LPP: variants seen among roughly 807,000 people sequenced by gnomAD.
LPP encodes the protein LIM domain containing preferred translocation partner in lipoma.
Under a neutral mutation model 60.4 loss-of-function variants are expected in LPP, and 38 were observed. The ratio of observed to expected loss-of-function variants is 0.63; its 90% CI spans 0.49 to 0.83. The LOEUF (loss-of-function observed/expected upper bound fraction) is 0.83. LPP is among the 40% of genes least tolerant of loss of function. The pLI, the probability that LPP is intolerant of heterozygous loss-of-function variation, is 0.00. For synonymous variants in LPP, 328 were observed against 290.8 expected (o/e 1.13, Z -1.30); for missense variants, 902 against 783.6 (o/e 1.15, Z -1.80).
chr3:188,178,865 A>C, intron 1 of LPP: 1 of 218,702 alleles, frequency 4.6e-6, no homozygotes. Context: ...TGATATATGG[A>C]AGAAGTTTCC....
chr3:188,570,170 G>A (rs1833202761), intron 6 of LPP, among the ~76,000 whole-genome samples: 1 of 151,974 alleles, frequency 6.6e-6, no homozygotes, highest in African/African-American at 2.4e-5. Context: ...AAAGTGACAG[G>A]CCTTGTGGCA....
Position 188,884,755 on chromosome 3 carries a change from C to T in LPP, c.*10276C>T, listed in dbSNP as rs1043702744. ...ATGTACGTTCCACAGAGGCAGAAAC[C>T]GCCGTAGGTTAGCAATGCATTTTAG... On this transcript the variant is annotated 3_prime_UTR_variant, in exon 12 of 12. Coordinates refer to ENST00000617246, the MANE Select transcript of LPP (RefSeq NM_001375462.1). The T allele has an allele frequency of 4.0e-5, 9 of 226,008 alleles. No individual in the cohort carries two copies. The highest frequency in any genetic ancestry group is 1.3e-4 in the African/African-American group (6 of 44,910). 14.0% of individuals were successfully genotyped at this position (226,008 alleles called of 1,614,324 possible). A position where few individuals can be genotyped will look rare whatever the true frequency, so the allele number is the denominator to read the frequency against.
At chr3:188,480,702 C>T (rs1468206177) in intron 4 of LPP, among the ~76,000 whole-genome samples, 1 of 152,082 alleles carries the variant, frequency 6.6e-6, no homozygotes, top group Admixed American at 6.5e-5. Flanking sequence ...TTGCAATTTC[C>T]CTGTAGGTCA....
intron 9 of LPP, among the ~76,000 whole-genome samples, chr3:188,771,767 G>C (rs967366965): frequency 6.6e-6 from 1 of 152,128 alleles, no homozygotes; most frequent in Non-Finnish European, 1.5e-5. Context: ...CTGCAAGAGA[G>C]AATTTTGCCT....
chr3:188,616,540 T>C (rs2151488097), intron 7 of LPP, among the ~76,000 whole-genome samples: 1 of 152,208 alleles, frequency 6.6e-6, no homozygotes, highest in East Asian at 1.9e-4. Context: ...GCTTTGTTCT[T>C]TTTGCTTGGG....
At chr3:188,851,652 AC>A (rs1226860713) in intron 9 of LPP, among the ~76,000 whole-genome samples, 1 of 152,256 alleles carries the variant, frequency 6.6e-6, no homozygotes, top group Non-Finnish European at 1.5e-5. Flanking sequence ...TATTTATTCA[AC>A]AAACAATCCC....
intron 6 of LPP, among the ~76,000 whole-genome samples, chr3:188,588,469 G>A (rs936606933): frequency 2.0e-5 from 3 of 151,992 alleles, no homozygotes; most frequent in South Asian, 4.1e-4. Context: ...GTCTTGATTC[G>A]TCTTCTTTAC....
chr3:188,883,712 G>A lies in LPP; in HGVS notation c.*9233G>A, dbSNP rs182705031. ...TGCGCCACTGCACTCCAGCCTGGGC[G>A]ACAGAACGAGACTCCGTCTCAAAAA... On this transcript the variant is annotated 3_prime_UTR_variant, in exon 12 of 12. Transcript: ENST00000617246. 684 of 129,542 alleles carry A rather than the reference G, an allele frequency of 5.3e-3. 6 individuals are homozygous for A. The highest frequency in any genetic ancestry group is 0.021 in the African/African-American group (647 of 30,118). 8.0% of individuals were successfully genotyped at this position (129,542 alleles called of 1,614,324 possible). A position where few individuals can be genotyped will look rare whatever the true frequency, so the allele number is the denominator to read the frequency against.
At chr3:188,371,971 T>C (rs1773396911) in intron 3 of LPP, among the ~76,000 whole-genome samples, 1 of 151,172 alleles carries the variant, frequency 6.6e-6, no homozygotes, top group African/African-American at 2.4e-5. Context: ...TGTGGGAATT[T>C]TATAAGGGCT....
chr3:188,156,057 C>A (rs1278708192), intron 1 of LPP, among the ~76,000 whole-genome samples: 2 of 152,066 alleles, frequency 1.3e-5, no homozygotes, highest in African/African-American at 2.4e-5. Context: ...GGAGAGTGTG[C>A]ATTTTTGCAT....
intron 4 of LPP, among the ~76,000 whole-genome samples, chr3:188,411,973 G>GTCTCTCTC (rs56025983): frequency 5.3e-5 from 8 of 149,746 alleles, no homozygotes; most frequent in African/African-American, 9.8e-5. Context: ...CTCTTTCTCT[G>GTCTCTCTC]TCTCTCTCTC....
chr3:188,397,833 T>C (rs1256962903), intron 3 of LPP, among the ~76,000 whole-genome samples: 1 of 152,054 alleles, frequency 6.6e-6, no homozygotes, highest in Non-Finnish European at 1.5e-5. Flanking sequence ...ATGCTGATCT[T>C]GAACTCCTGA....
intron 9 of LPP, among the ~76,000 whole-genome samples, chr3:188,804,538 G>T (rs564380711): frequency 2.0e-5 from 3 of 151,764 alleles, no homozygotes; most frequent in Non-Finnish European, 4.4e-5. Context: ...GTTTATGGGT[G>T]CACTAAAAGC....
intron 2 of LPP, among the ~76,000 whole-genome samples, chr3:188,318,668 G>T (rs1019786935): frequency 8.7e-5 from 13 of 150,164 alleles, no homozygotes; most frequent in Non-Finnish European, 3.0e-5. Context: ...TATTCTTTTC[G>T]ACTTTGGTTG....
At chr3:188,470,199 C>A (rs1429767613) in intron 4 of LPP, among the ~76,000 whole-genome samples, 1 of 151,680 alleles carries the variant, frequency 6.6e-6, no homozygotes, top group Non-Finnish European at 1.5e-5. Context: ...GCAGTGATTG[C>A]CGAGATCATC....
intron 4 of LPP, among the ~76,000 whole-genome samples, chr3:188,409,562 C>T (rs998192315): frequency 3.9e-5 from 6 of 152,042 alleles, no homozygotes; most frequent in African/African-American, 7.2e-5. Flanking sequence ...CATTCCTTTT[C>T]GTTTCTTTTT....
At chr3:188,779,581 C>T (rs557810325) in intron 9 of LPP, among the ~76,000 whole-genome samples, 2 of 141,400 alleles carry the variant, frequency 1.4e-5, no homozygotes, top group South Asian at 2.3e-4. Context: ...TTCAAAAAGA[C>T]TTTTTTTTTT....
chr3:188,641,621 C>T (rs1040860372), intron 7 of LPP, among the ~76,000 whole-genome samples: 1 of 152,194 alleles, frequency 6.6e-6, no homozygotes, highest in African/African-American at 2.4e-5. Context: ...ATTATGGCTT[C>T]ATTATGTGTT....
chr3:188,753,920 A>G (rs536766203), intron 8 of LPP, among the ~76,000 whole-genome samples: 1 of 152,314 alleles, frequency 6.6e-6, no homozygotes, highest in African/African-American at 2.4e-5. Flanking sequence ...GCACAGTGAC[A>G]GAACTACATG....
Sources: gnomAD v4.1 joint callset for allele counts (sites outside exome capture counted in the v4.1 genomes callset) on GRCh38, gnomAD v4.1.1 for gene constraint, MANE v1.5 for transcripts, NCBI Gene and HGNC (gene_info 2026-07-23, HGNC 2026-07-21) for gene names.